Variants in NELL1 observed in about 807,000 individuals in gnomAD.
The protein encoded by NELL1 is neural EGFL like 1.
In NELL1, 76 loss-of-function variants were observed where a neutral mutation model predicts 107.4. That is an observed-to-expected ratio of 0.71 (90% CI 0.59 to 0.86). The LOEUF (loss-of-function observed/expected upper bound fraction) is 0.86, where lower values mean the gene tolerates loss of function less well. Among genes scored for constraint, NELL1 ranks in the 40% least tolerant of loss-of-function variants. The pLI, the probability that NELL1 is intolerant of heterozygous loss-of-function variation, is 0.00. For missense variants in NELL1, 1,024 were observed against 1,005.5 expected, an observed-to-expected ratio of 1.02 and a Z score of -0.25; for synonymous variants, 353 against 341.2, an observed-to-expected ratio of 1.03 and a Z score of -0.38.
intron 11 of NELL1, among the ~76,000 whole-genome samples, chr11:20,947,827 T>C (rs1850994926): frequency 6.6e-6 from 1 of 152,206 alleles, no homozygotes; most frequent in South Asian, 2.1e-4. Context: ...AGCTCCGTCT[T>C]GTTGGGCCAG....
chr11:20,874,593 C>T (rs1211704138), intron 4 of NELL1, among the ~76,000 whole-genome samples: 1 of 152,166 alleles, frequency 6.6e-6, no homozygotes, highest in Non-Finnish European at 1.5e-5. Flanking sequence ...GGTGCTAACT[C>T]AAAGGCAGCT....
At chr11:21,269,294 A>G (rs1281756616) in intron 14 of NELL1, among the ~76,000 whole-genome samples, 1 of 151,992 alleles carries the variant, frequency 6.6e-6, no homozygotes, top group Admixed American at 6.6e-5. Flanking sequence ...ACAACAAACC[A>G]TGTATTCAGG....
At chr11:21,493,293 A>G (rs1305033448) in intron 15 of NELL1, among the ~76,000 whole-genome samples, 2 of 152,172 alleles carry the variant, frequency 1.3e-5, no homozygotes, top group Non-Finnish European at 2.9e-5. Flanking sequence ...GTGCATATTT[A>G]GCACTTAACT....
At chr11:21,401,615 T>A (rs1221221706) in intron 15 of NELL1, among the ~76,000 whole-genome samples, 3 of 151,722 alleles carry the variant, frequency 2.0e-5, no homozygotes, top group Admixed American at 1.3e-4. Context: ...TGAGACTGTA[T>A]CTGGCAGGTG....
At chr11:20,691,896 C>T (rs907210890) in intron 2 of NELL1, among the ~76,000 whole-genome samples, 5 of 152,050 alleles carry the variant, frequency 3.3e-5, no homozygotes, top group Admixed American at 6.6e-5. Context: ...AGAATTCGGC[C>T]ATGAATCCAT....
At chr11:21,107,863 C>A (rs563718318) in intron 12 of NELL1, among the ~76,000 whole-genome samples, 1 of 152,274 alleles carries the variant, frequency 6.6e-6, no homozygotes. Flanking sequence ...CCCAGTGCCA[C>A]AGTTAGCTAA....
intron 4 of NELL1, among the ~76,000 whole-genome samples, chr11:20,865,252 C>T (rs1024745768): frequency 6.6e-6 from 1 of 152,190 alleles, no homozygotes; most frequent in Non-Finnish European, 1.5e-5. Context: ...AATTATATGA[C>T]TGAGGCTTGC....
intron 14 of NELL1, among the ~76,000 whole-genome samples, chr11:21,235,171 A>G (rs1858173659): frequency 6.6e-6 from 1 of 152,174 alleles, no homozygotes; most frequent in Non-Finnish European, 1.5e-5. Flanking sequence ...TTATTTAGAC[A>G]AAATATTGGA....
intron 12 of NELL1, among the ~76,000 whole-genome samples, chr11:20,998,905 C>G (rs1054664072): frequency 2.0e-5 from 3 of 152,118 alleles, no homozygotes; most frequent in Non-Finnish European, 4.4e-5. Context: ...CTCAGCCTTT[C>G]TTAAAATGAA....
chr11:21,208,967 C>T (rs2133857793), intron 13 of NELL1, among the ~76,000 whole-genome samples: 1 of 152,200 alleles, frequency 6.6e-6, no homozygotes, highest in East Asian at 1.9e-4. Context: ...GGGCTTTTGA[C>T]CTCCAATAAC....
At chr11:20,688,835 T>C (rs1158020352) in intron 2 of NELL1, among the ~76,000 whole-genome samples, 1 of 152,178 alleles carries the variant, frequency 6.6e-6, no homozygotes, top group Non-Finnish European at 1.5e-5. Context: ...CCAGACTGGC[T>C]GCACTCATTC....
In NELL1 at chr11:21,571,899, G is replaced by T. The variant is rs185349911; in HGVS notation, c.2157+959G>T. Among the ~76,000 whole-genome samples, 4 of 151,970 alleles carry T rather than the reference G, an allele frequency of 2.6e-5. No homozygotes were observed. In the East Asian group the frequency reaches 7.8e-4, roughly 30 times the overall value. On this transcript the variant is annotated intron_variant, in intron 18 of 19. Transcript: ENST00000357134. ...TCCGTAATTTAACATTTGCTGACAT[G>T]AATGATTCTCATTTTATGGGTACTG...
rs192271295 is a variant in NELL1, at chr11:20,937,763, C to G, written c.998-23C>G. The G allele has an allele frequency of 6.9e-5, 110 of 1,599,088 alleles. No homozygotes were observed. In the East Asian group the frequency reaches 2.3e-3, roughly 34 times the overall value. On this transcript the variant is annotated intron_variant, in intron 9 of 19. Transcript: ENST00000357134. ...TTTGTGGCACAGCAGGACTGTCTGA[C>G]CCATTTTTATGTTTTATTACAGCAA...
chr11:21,459,122 T>C (rs1241445149), intron 15 of NELL1, among the ~76,000 whole-genome samples: 3 of 151,752 alleles, frequency 2.0e-5, no homozygotes, highest in Non-Finnish European at 2.9e-5. Flanking sequence ...TGGAGCAACA[T>C]TGGGAAGGAG....
At chr11:20,776,873 C>T (rs1856761740) in intron 2 of NELL1, among the ~76,000 whole-genome samples, 1 of 152,216 alleles carries the variant, frequency 6.6e-6, no homozygotes, top group South Asian at 2.1e-4. Flanking sequence ...TTTGTCTCCA[C>T]TCGTCATGTG....
intron 15 of NELL1, among the ~76,000 whole-genome samples, chr11:21,372,533 A>C (rs1851379188): frequency 6.6e-6 from 1 of 152,064 alleles, no homozygotes; most frequent in Admixed American, 6.6e-5. Flanking sequence ...TGGTGTAAGT[A>C]ACTTATGCAA....
intron 15 of NELL1, among the ~76,000 whole-genome samples, chr11:21,442,448 T>C (rs1853309576): frequency 6.6e-6 from 1 of 152,140 alleles, no homozygotes; most frequent in Non-Finnish European, 1.5e-5. Flanking sequence ...CAAGAAATAC[T>C]TGTGGATCTA....
At chr11:20,848,115 C>T (rs983272077) in intron 4 of NELL1, among the ~76,000 whole-genome samples, 5 of 152,138 alleles carry the variant, frequency 3.3e-5, no homozygotes, top group Admixed American at 1.3e-4. Context: ...CACTGGGAAG[C>T]GAATAAGCTT....
intron 14 of NELL1, among the ~76,000 whole-genome samples, chr11:21,298,819 G>T (rs1323953663): frequency 3.9e-5 from 6 of 151,954 alleles, no homozygotes; most frequent in African/African-American, 1.4e-4. Flanking sequence ...CATTTCCAGT[G>T]AAAATGACCC....
Sources: allele counts gnomAD v4.1 joint callset (sites outside exome capture counted in the v4.1 genomes callset), GRCh38; gene constraint gnomAD v4.1.1; transcripts MANE v1.5; gene names NCBI Gene and HGNC (gene_info 2026-07-23, HGNC 2026-07-21).